Variants in ITPK1 observed in about 807,000 individuals in gnomAD.
The protein encoded by ITPK1 is inositol-tetrakisphosphate 1-kinase, also known as inositol 1,3,4-trisphosphate 5/6-kinase.
In ITPK1, 21 loss-of-function variants were observed where a neutral mutation model predicts 45.3. The observed-to-expected ratio is 0.46, with a 90% CI of 0.33 to 0.67. The LOEUF (loss-of-function observed/expected upper bound fraction) is 0.67. Ranked by LOEUF, ITPK1 falls within the 30% of genes least tolerant of loss-of-function variation. ITPK1 has a pLI of 0.02. For synonymous variants in ITPK1, 258 were observed against 253.6 expected, an observed-to-expected ratio of 1.02 and a Z score of -0.16; for missense variants, 474 against 573.5, an observed-to-expected ratio of 0.83 and a Z score of 1.77.
At chr14:93,111,072 G>A (rs1250824537) in intron 2 of ITPK1, among the ~76,000 whole-genome samples, 1 of 150,658 alleles carries the variant, frequency 6.6e-6, no homozygotes, top group African/African-American at 2.4e-5. Flanking sequence ...CTGGGCTGCT[G>A]GAAGGATTAA....
intron 3 of ITPK1, among the ~76,000 whole-genome samples, chr14:93,056,691 AGTGCC>A (rs1334609875): frequency 2.0e-5 from 3 of 152,168 alleles, no homozygotes; most frequent in Non-Finnish European, 4.4e-5. Context: ...ACCTCAGAGC[AGTGCC>A]CCTCCTCCAG....
chr14:92,956,448 T>C (rs558937091), intron 8 of ITPK1, among the ~76,000 whole-genome samples: 79 of 152,236 alleles, frequency 5.2e-4, no homozygotes, highest in Non-Finnish European at 9.4e-4. Context: ...ATGCATTTTA[T>C]GGCAAACTGG....
intron 2 of ITPK1, among the ~76,000 whole-genome samples, chr14:93,109,455 G>A (rs1316769230): frequency 6.6e-6 from 1 of 152,128 alleles, no homozygotes; most frequent in Non-Finnish European, 1.5e-5. Context: ...TTTTTAATAT[G>A]TGCATGTCTT....
intron 3 of ITPK1, among the ~76,000 whole-genome samples, chr14:93,074,012 C>T (rs2139978599): frequency 6.6e-6 from 1 of 152,290 alleles, no homozygotes; most frequent in East Asian, 1.9e-4. Flanking sequence ...GCTCCCAGGG[C>T]CCAGCAGCCT....
intron 5 of ITPK1, among the ~76,000 whole-genome samples, chr14:92,964,637 C>A (rs78098738): frequency 6.6e-6 from 1 of 152,194 alleles, no homozygotes. Flanking sequence ...AGGCTTCGGA[C>A]GGGCGCTCAC....
At chr14:93,000,801 A>AC (rs1267843161) in intron 4 of ITPK1, among the ~76,000 whole-genome samples, 2 of 150,406 alleles carry the variant, frequency 1.3e-5, no homozygotes, top group East Asian at 2.0e-4. Flanking sequence ...ACATAGCAAA[A>AC]CCCCCCGCAA....
At chr14:92,997,104 C>T (rs116563411) in intron 4 of ITPK1, among the ~76,000 whole-genome samples, 244 of 152,352 alleles carry the variant, frequency 1.6e-3, no homozygotes, top group African/African-American at 5.7e-3. Context: ...GGGCCACCCA[C>T]GCATTCGCTG....
chr14:92,952,958 GGACCGTCCT>G (rs1888029702), intron 8 of ITPK1, among the ~76,000 whole-genome samples: 1 of 152,250 alleles, frequency 6.6e-6, no homozygotes, highest in Non-Finnish European at 1.5e-5. Flanking sequence ...GGCTGGCACG[GGACCGTCCT>G]GGGCCGCCAG....
At chr14:93,085,361 C>T (rs894354571) in intron 2 of ITPK1, among the ~76,000 whole-genome samples, 3 of 152,184 alleles carry the variant, frequency 2.0e-5, no homozygotes, top group African/African-American at 2.4e-5. Context: ...ACCCTCCCCC[C>T]GACCGGGTGC....
rs1360384684 is a variant in ITPK1, at chr14:92,937,437, A to G, written c.*4124T>C. 1 of 152,078 alleles carries G rather than the reference A, an allele frequency of 6.6e-6. No homozygotes were observed. The highest frequency in any genetic ancestry group is 2.4e-5 in the African/African-American group (1 of 41,390). 9.4% of individuals were successfully genotyped at this position (152,078 alleles called of 1,614,324 possible). On this transcript the variant is annotated 3_prime_UTR_variant, in exon 11 of 11. Coordinates refer to ENST00000267615, the MANE Select transcript of ITPK1 (RefSeq NM_014216.6). ...CTGCAGGAGGGGACAGTCCCTCCAC[A>G]CCACCAGGTCACAGATGACTCTTGA...
intron 5 of ITPK1, among the ~76,000 whole-genome samples, chr14:92,993,064 C>G (rs1389422150): frequency 1.3e-5 from 2 of 152,226 alleles, no homozygotes; most frequent in East Asian, 3.8e-4. Context: ...AAGGCCAAGT[C>G]ACCATCCAGG....
chr14:92,988,565 C>A (rs1409286156), intron 5 of ITPK1, among the ~76,000 whole-genome samples: 1 of 152,226 alleles, frequency 6.6e-6, no homozygotes, highest in African/African-American at 2.4e-5. Context: ...AGGCAGGACT[C>A]ACCTGCAGGC....
chr14:92,955,056 C>A (rs1884621758), intron 8 of ITPK1, among the ~76,000 whole-genome samples: 1 of 152,214 alleles, frequency 6.6e-6, no homozygotes, highest in Admixed American at 6.5e-5. Context: ...CCCAGCAGCT[C>A]ACGCAGGGCT....
At position 93,024,707 on chromosome 14, in the gene ITPK1, C is replaced by T. The variant is rs968943731; in HGVS notation, c.121-7906G>A. Reference sequence around the variant, plus strand: ...TCTCCTTAGCACATAATCTCCATGTCCTTAGGAGGCAGAGGCCACTGTCAC... The same window carrying T: ...TCTCCTTAGCACATAATCTCCATGTTCTTAGGAGGCAGAGGCCACTGTCAC... On this transcript the variant is annotated intron_variant, in intron 3 of 10. Transcript: ENST00000267615. Among the ~76,000 whole-genome samples, 122 of 152,206 alleles carry T rather than the reference C, an allele frequency of 8.0e-4. 1 individual carries two copies. Among genetic ancestry groups the T allele is most frequent in the Admixed American group, 4.6e-4 (7 of 15,284 alleles).
intron 4 of ITPK1, among the ~76,000 whole-genome samples, chr14:93,011,454 G>T (rs1887902880): frequency 6.6e-6 from 1 of 152,232 alleles, no homozygotes; most frequent in South Asian, 2.1e-4. Flanking sequence ...GCTACACATG[G>T]TTTCCTTCCA....
chr14:92,966,079 G>A (rs1034492266), intron 5 of ITPK1, among the ~76,000 whole-genome samples: 3 of 152,206 alleles, frequency 2.0e-5, no homozygotes, highest in Non-Finnish European at 4.4e-5. Context: ...GCAGTGGCAC[G>A]ATCACAGCTC....
At chr14:92,979,596 C>T (rs1315148907) in intron 5 of ITPK1, among the ~76,000 whole-genome samples, 3 of 152,066 alleles carry the variant, frequency 2.0e-5, no homozygotes, top group African/African-American at 7.3e-5. Context: ...ATAGTAAGTT[C>T]TCATGAAATC....
chr14:92,946,510 G>A lies in ITPK1; in HGVS notation c.739-17C>T, dbSNP rs753694044. The A allele has an allele frequency of 6.2e-7, 1 of 1,611,220 alleles. No individual in the cohort carries two copies. The highest frequency in any genetic ancestry group is 1.1e-5 in the South Asian group (1 of 91,050). The stretch of plus-strand genomic sequence containing the variant: ...CTTGTCCAGCTGCCAACATACACAA[G>A]GAAGTCAGGCCATGGGCCGAGGAGC... On this transcript the variant is annotated splice_polypyrimidine_tract_variant and intron_variant, in intron 9 of 10. Coordinates refer to ENST00000267615, the MANE Select transcript of ITPK1 (RefSeq NM_014216.6).
intron 2 of ITPK1, among the ~76,000 whole-genome samples, chr14:93,084,996 T>TG (rs2139996818): frequency 2.0e-5 from 3 of 152,332 alleles, no homozygotes; most frequent in African/African-American, 7.2e-5. Flanking sequence ...AGCATCCCTG[T>TG]GCCCCCTGCA....
Sources: gnomAD v4.1 joint callset for allele counts (sites outside exome capture counted in the v4.1 genomes callset) on GRCh38, gnomAD v4.1.1 for gene constraint, MANE v1.5 for transcripts, NCBI Gene and HGNC (gene_info 2026-07-23, HGNC 2026-07-21) for gene names.